The following STX8 variants were observed in gnomAD, a reference collection of about 807,000 sequenced individuals.
The protein encoded by STX8 is syntaxin-8.
Under a neutral mutation model 37.5 loss-of-function variants are expected in STX8, and 23 were observed. That is an observed-to-expected ratio of 0.61 (90% CI 0.44 to 0.87). The LOEUF (loss-of-function observed/expected upper bound fraction) is 0.87, where lower values mean the gene tolerates loss of function less well. Ranked by LOEUF, STX8 falls within the 40% of genes least tolerant of loss-of-function variation. STX8 has a pLI of 0.00. For missense variants in STX8, 313 were observed against 284.7 expected (o/e 1.10, Z -0.71); for synonymous variants, 115 against 99.1 (o/e 1.16, Z -0.95).
chr17:9,300,830 CTTTTTTT>C (rs1164799565), intron 7 of STX8, among the ~76,000 whole-genome samples: 6 of 90,908 alleles, frequency 6.6e-5, no homozygotes, highest in African/African-American at 2.1e-4. Context: ...TTATTTTGTT[CTTTTTTT>C]TTTTTTTTTT....
At chr17:9,519,086 T>C (rs1220535757) in intron 4 of STX8, among the ~76,000 whole-genome samples, 11 of 151,928 alleles carry the variant, frequency 7.2e-5, no homozygotes, top group Non-Finnish European at 1.6e-4. Context: ...ACCCCACATA[T>C]AAAAACATTC....
At chr17:9,406,974 A>G (rs1662388147) in intron 6 of STX8, among the ~76,000 whole-genome samples, 1 of 152,158 alleles carries the variant, frequency 6.6e-6, no homozygotes, top group Admixed American at 6.5e-5. Flanking sequence ...GCTTCTCCTA[A>G]GCTGCCTAAT....
intron 7 of STX8, among the ~76,000 whole-genome samples, chr17:9,300,986 C>G (rs914685247): frequency 2.0e-5 from 3 of 151,898 alleles, no homozygotes; most frequent in African/African-American, 7.2e-5. Flanking sequence ...GAGCCTGCCA[C>G]CACGCCCGGC....
intron 6 of STX8, among the ~76,000 whole-genome samples, chr17:9,446,113 G>A (rs1904843867): frequency 6.6e-6 from 1 of 152,160 alleles, no homozygotes; most frequent in Non-Finnish European, 1.5e-5. Flanking sequence ...TGGGATTACA[G>A]GCGTGAGCCA....
At chr17:9,405,121 T>C (rs1357080521) in intron 6 of STX8, among the ~76,000 whole-genome samples, 1 of 152,208 alleles carries the variant, frequency 6.6e-6, no homozygotes, top group Non-Finnish European at 1.5e-5. Flanking sequence ...ATGGCTTCCA[T>C]AGCTTTTTCT....
At chr17:9,376,118 G>T (rs1911572340) in intron 7 of STX8, among the ~76,000 whole-genome samples, 1 of 152,192 alleles carries the variant, frequency 6.6e-6, no homozygotes, top group Non-Finnish European at 1.5e-5. Flanking sequence ...CATATTGAGA[G>T]GTGAAGCCGG....
At chr17:9,298,228 G>C (rs1291828369) in intron 7 of STX8, among the ~76,000 whole-genome samples, 1 of 152,152 alleles carries the variant, frequency 6.6e-6, no homozygotes, top group Non-Finnish European at 1.5e-5. Flanking sequence ...GAAGAAGATG[G>C]ACAGTAAAAG....
At chr17:9,358,971 G>T (rs1014159761) in intron 7 of STX8, among the ~76,000 whole-genome samples, 1 of 152,144 alleles carries the variant, frequency 6.6e-6, no homozygotes, top group Non-Finnish European at 1.5e-5. Flanking sequence ...AGCCCCTTGG[G>T]GGTCACCAGT....
chr17:9,277,101 C>T (rs1394627991), intron 7 of STX8, among the ~76,000 whole-genome samples: 1 of 152,144 alleles, frequency 6.6e-6, no homozygotes. Flanking sequence ...GTGCATACCA[C>T]TGTGCCTAGC....
chr17:9,377,834 A>T (rs1911654566), intron 7 of STX8: 1 of 152,184 alleles, frequency 6.6e-6, no homozygotes, highest in Non-Finnish European at 1.5e-5. Flanking sequence ...AGCACCCAAA[A>T]ACAATTACTG....
intron 4 of STX8, 129 bp downstream of exon 4, chr17:9,545,043 A>T: frequency 1.6e-6 from 1 of 627,448 alleles, no homozygotes; most frequent in Non-Finnish European, 2.8e-6. Flanking sequence ...AGAAAATTAT[A>T]GTCAAACACC....
intron 7 of STX8, among the ~76,000 whole-genome samples, chr17:9,268,410 A>G (rs900745743): frequency 2.0e-5 from 3 of 152,184 alleles, no homozygotes; most frequent in African/African-American, 7.2e-5. Flanking sequence ...ACAAGAGCAA[A>G]GGGGCAGTCA....
intron 7 of STX8, among the ~76,000 whole-genome samples, chr17:9,363,329 T>C (rs1911128092): frequency 1.3e-5 from 2 of 152,142 alleles, no homozygotes; most frequent in African/African-American, 4.8e-5. Flanking sequence ...TTCATTTCAA[T>C]TTACGGATAT....
At chr17:9,377,497 G>T (rs1157376873) in intron 7 of STX8, among the ~76,000 whole-genome samples, 1 of 152,060 alleles carries the variant, frequency 6.6e-6, no homozygotes, top group Non-Finnish European at 1.5e-5. Context: ...TTGAGACAGG[G>T]TCTCACTCTG....
At chr17:9,306,595 C>CAAAAAAAAAA (rs71135963) in intron 7 of STX8, among the ~76,000 whole-genome samples, 72 of 69,594 alleles carry the variant, frequency 1.0e-3, no homozygotes, top group Middle Eastern at 0.013. Flanking sequence ...ACTAAAAATA[C>CAAAAAAAAAA]AAAAAAAAAA....
At chr17:9,491,273 G>A (rs569087861) in intron 6 of STX8, among the ~76,000 whole-genome samples, 53 of 147,990 alleles carry the variant, frequency 3.6e-4, no homozygotes, top group South Asian at 1.3e-3. Flanking sequence ...CCCCCTTTCT[G>A]CCCCTACAAC....
chr17:9,557,178 A>C, intron 3 of STX8: 1 of 362,040 alleles, frequency 2.8e-6, no homozygotes, highest in Admixed American at 3.6e-5. Context: ...ACTGACGGAA[A>C]ACATTAGCTT....
intron 7 of STX8, among the ~76,000 whole-genome samples, chr17:9,374,475 T>C (rs1911518708): frequency 6.6e-6 from 1 of 152,188 alleles, no homozygotes; most frequent in Non-Finnish European, 1.5e-5. Flanking sequence ...TTCACAGGCA[T>C]AATATTGATC....
At chr17:9,388,424 T>C (rs140217857) in intron 6 of STX8, among the ~76,000 whole-genome samples, 5 of 151,948 alleles carry the variant, frequency 3.3e-5, no homozygotes, top group African/African-American at 1.2e-4. Context: ...AGTTTATAAA[T>C]GCGAGGGGAA....
Sources: allele counts gnomAD v4.1 joint callset (sites outside exome capture counted in the v4.1 genomes callset), GRCh38; gene constraint gnomAD v4.1.1; transcripts MANE v1.5; gene names NCBI Gene and HGNC (gene_info 2026-07-23, HGNC 2026-07-21).